The following KIF5C variants were observed in gnomAD, a reference collection of about 807,000 sequenced individuals.
The protein encoded by KIF5C is kinesin heavy chain isoform 5C.
Under a neutral mutation model 125.2 loss-of-function variants are expected in KIF5C, and 18 were observed. The ratio of observed to expected loss-of-function variants is 0.14; its 90% CI spans 0.10 to 0.21. The LOEUF (loss-of-function observed/expected upper bound fraction) is 0.21, where lower values mean the gene tolerates loss of function less well. Among genes scored for constraint, KIF5C ranks in the 10% least tolerant of loss-of-function variants. The pLI is 1.00. For missense variants in KIF5C, 780 were observed against 1,183.8 expected, an observed-to-expected ratio of 0.66 and a Z score of 5.01; for synonymous variants, 405 against 434.0, an observed-to-expected ratio of 0.93 and a Z score of 0.83.
intron 1 of KIF5C, among the ~76,000 whole-genome samples, chr2:148,917,050 T>C (rs1386498546): frequency 6.6e-6 from 1 of 152,256 alleles, no homozygotes; most frequent in Non-Finnish European, 1.5e-5. Context: ...TGCATCTGTC[T>C]TTCCCTAGCC....
intron 2 of KIF5C, 99 bp downstream of exon 2, chr2:148,922,326 C>A: frequency 1.5e-6 from 1 of 682,466 alleles, no homozygotes. Context: ...TGACTGTAAG[C>A]AGAGGCCTGC....
intron 11 of KIF5C, among the ~76,000 whole-genome samples, chr2:148,969,263 C>T (rs1003891313): frequency 3.9e-5 from 6 of 152,242 alleles, no homozygotes; most frequent in Admixed American, 2.0e-4. Flanking sequence ...TTTACGCCCT[C>T]TGGGAGTTTT....
intron 1 of KIF5C, among the ~76,000 whole-genome samples, chr2:148,890,208 AC>A (rs1681666686): frequency 6.6e-6 from 1 of 152,168 alleles, no homozygotes; most frequent in Non-Finnish European, 1.5e-5. Flanking sequence ...CTTTTTGCAT[AC>A]AACTTAAAGA....
intron 11 of KIF5C, among the ~76,000 whole-genome samples, chr2:148,970,093 G>T (rs914696707): frequency 2.0e-5 from 3 of 152,142 alleles, no homozygotes; most frequent in Admixed American, 2.0e-4. Flanking sequence ...ATGTAGCTTT[G>T]TAGGAGACAT....
chr2:149,019,258 A>G (rs1682459024), intron 25 of KIF5C, among the ~76,000 whole-genome samples: 2 of 152,314 alleles, frequency 1.3e-5, no homozygotes, highest in South Asian at 4.1e-4. Flanking sequence ...CCCGTATCAC[A>G]GGCTTGTCTG....
At chr2:149,006,838 C>T (rs1334223548) in intron 22 of KIF5C, among the ~76,000 whole-genome samples, 2 of 152,054 alleles carry the variant, frequency 1.3e-5, no homozygotes, top group African/African-American at 4.8e-5. Flanking sequence ...GGGAGGGCAC[C>T]TGGCCAGAGG....
intron 3 of KIF5C, among the ~76,000 whole-genome samples, chr2:148,930,411 G>A (rs1682150549): frequency 2.0e-5 from 3 of 151,924 alleles, no homozygotes; most frequent in Admixed American, 6.6e-5. Context: ...CCACTTGATA[G>A]GTAAGGAGAG....
In KIF5C at chr2:148,962,062, A is replaced by G. The variant is rs769012523; in HGVS notation, c.1060A>G (p.Lys354Glu). Reference sequence around the variant, plus strand: ...ATATGAAAAAGAGAAAGAGAAAAACAAGACTTTGAAGAATGTTATCCAGCA... The same window carrying G: ...ATATGAAAAAGAGAAAGAGAAAAACGAGACTTTGAAGAATGTTATCCAGCA... ...KKYEKEKEKN[K>E]TLKNVIQHLE... The change falls in exon 11 of 26, where the codon AAG becomes GAG. Residue 354 changes from lysine (K) to glutamate (E), a missense_variant. Physicochemically the swap from Lys to Glu is moderately conservative, Grantham distance 56. Coordinates refer to ENST00000435030, the MANE Select transcript of KIF5C (RefSeq NM_004522.3). 6.8e-6 allele frequency: 11 copies of G among 1,613,788 alleles called. No homozygotes were observed. The highest frequency in any genetic ancestry group is 8.5e-6 in the Non-Finnish European group (10 of 1,179,844).
intron 1 of KIF5C, among the ~76,000 whole-genome samples, chr2:148,916,374 G>A (rs953190908): frequency 1.3e-5 from 2 of 152,184 alleles, no homozygotes; most frequent in Admixed American, 6.5e-5. Flanking sequence ...GGATGGCCTT[G>A]AAACAGGGTA....
intron 11 of KIF5C, among the ~76,000 whole-genome samples, chr2:148,971,266 ATCTGTCTGTCTG>A (rs10569710): frequency 3.4e-5 from 5 of 146,756 alleles, no homozygotes; most frequent in African/African-American, 1.3e-4. Context: ...TGATTAGAAA[ATCTGTCTGTCTG>A]TCTGTCTGTC....
chr2:148,906,162 G>A lies in KIF5C; in HGVS notation c.127-15975G>A, dbSNP rs1441842833. ...AGGGAAAAAGGGGAGGCAGAGGAAAGGGAAGGGAAGCTGCGTCTTCTCTTG... is the reference window on the plus strand; with the variant it reads ...AGGGAAAAAGGGGAGGCAGAGGAAAAGGAAGGGAAGCTGCGTCTTCTCTTG... On this transcript the variant is annotated intron_variant, in intron 1 of 25. Coordinates refer to ENST00000435030, the MANE Select transcript of KIF5C (RefSeq NM_004522.3). Among the ~76,000 whole-genome samples the A allele has an allele frequency of 2.6e-5, 4 of 152,176 alleles. No homozygotes were observed. The East Asian group carries it at 7.7e-4, about 29-fold the overall frequency.
intron 1 of KIF5C, chr2:148,884,244 C>G (rs543990389): frequency 6.6e-6 from 1 of 152,240 alleles, no homozygotes; most frequent in Non-Finnish European, 1.5e-5. Flanking sequence ...CTAAATCTCT[C>G]TCTGGAGGCA....
chr2:148,933,370 G>T (rs1682218215), intron 3 of KIF5C, among the ~76,000 whole-genome samples: 1 of 151,922 alleles, frequency 6.6e-6, no homozygotes, highest in Non-Finnish European at 1.5e-5. Flanking sequence ...ATCTGCAAGG[G>T]TCAGTGTAGA....
intron 10 of KIF5C, among the ~76,000 whole-genome samples, chr2:148,961,755 C>T (rs1308790832): frequency 2.0e-5 from 3 of 152,030 alleles, no homozygotes; most frequent in Non-Finnish European, 4.4e-5. Context: ...ATTTAGAGAC[C>T]AGTGGGATGT....
At chr2:148,901,544 T>TA (rs1251065608) in intron 1 of KIF5C, among the ~76,000 whole-genome samples, 1 of 152,242 alleles carries the variant, frequency 6.6e-6, no homozygotes, top group East Asian at 1.9e-4. Context: ...TCAAGGAAAA[T>TA]AAAAAAAGAA....
chr2:148,959,426 A>T (rs1214988375), intron 10 of KIF5C, among the ~76,000 whole-genome samples: 1 of 151,886 alleles, frequency 6.6e-6, no homozygotes. Context: ...CAAACCCCTT[A>T]GGGTTTTTTT....
intron 1 of KIF5C, among the ~76,000 whole-genome samples, chr2:148,918,961 G>A: frequency 6.6e-6 from 1 of 152,160 alleles, no homozygotes; most frequent in Non-Finnish European, 1.5e-5. Context: ...TAGGGTTTGG[G>A]ATATAGTTTG....
chr2:148,993,511 T>C (rs1224349741), intron 16 of KIF5C, among the ~76,000 whole-genome samples: 1 of 152,220 alleles, frequency 6.6e-6, no homozygotes, highest in Non-Finnish European at 1.5e-5. Context: ...TCTGACACAG[T>C]CTTTCCAGCT....
chr2:149,010,920 G>A (rs1443694120), intron 24 of KIF5C, among the ~76,000 whole-genome samples: 1 of 152,228 alleles, frequency 6.6e-6, no homozygotes, highest in Non-Finnish European at 1.5e-5. Flanking sequence ...TGTAGGAAAT[G>A]AGGGTGTAGC....
Sources: gnomAD v4.1 joint callset for allele counts (sites outside exome capture counted in the v4.1 genomes callset) on GRCh38, gnomAD v4.1.1 for gene constraint, MANE v1.5 for transcripts, NCBI Gene and HGNC (gene_info 2026-07-23, HGNC 2026-07-21) for gene names.